Variants in GPC6 observed in about 807,000 individuals in gnomAD.
GPC6 encodes glypican 6.
GPC6 carries 14 observed loss-of-function variants against 55.2 expected under a neutral mutation model. The observed-to-expected ratio is 0.25, with a 90% CI of 0.17 to 0.40. The LOEUF (loss-of-function observed/expected upper bound fraction) is 0.40, where lower values mean the gene tolerates loss of function less well. Among genes scored for constraint, GPC6 ranks in the 10% least tolerant of loss-of-function variants. GPC6 has a pLI of 1.00. For missense variants in GPC6, 641 were observed against 708.5 expected, an observed-to-expected ratio of 0.90 and a Z score of 1.08; for synonymous variants, 278 against 259.6, an observed-to-expected ratio of 1.07 and a Z score of -0.68.
chr13:93,344,776 A>G (rs1028416363), intron 1 of GPC6, among the ~76,000 whole-genome samples: 1 of 152,212 alleles, frequency 6.6e-6, no homozygotes, highest in African/African-American at 2.4e-5. Context: ...AGTGACCAGC[A>G]GCCTCACTCA....
At chr13:93,460,465 A>G (rs548081190) in intron 1 of GPC6, among the ~76,000 whole-genome samples, 4 of 152,348 alleles carry the variant, frequency 2.6e-5, no homozygotes, top group Admixed American at 2.6e-4. Flanking sequence ...ATTTAAATCT[A>G]CACAACACAT....
At chr13:93,832,046 A>G (rs183396879) in intron 3 of GPC6, among the ~76,000 whole-genome samples, 4,055 of 128,942 alleles carry the variant, frequency 0.031, 81 homozygotes, top group East Asian at 0.061. Context: ...GCTGAGATCG[A>G]GCCTCTGCAC....
At chr13:93,353,148 AGAG>A (rs1880691525) in intron 1 of GPC6, among the ~76,000 whole-genome samples, 1 of 152,170 alleles carries the variant, frequency 6.6e-6, no homozygotes, top group East Asian at 1.9e-4. Flanking sequence ...TTACTACCAA[AGAG>A]GAAACTGAGG....
chr13:93,612,475 G>A (rs866084731), intron 2 of GPC6, among the ~76,000 whole-genome samples: 1 of 144,088 alleles, frequency 6.9e-6, no homozygotes, highest in African/African-American at 2.6e-5. Context: ...CTCCAGCCTG[G>A]GCGATAGTGC....
intron 6 of GPC6, among the ~76,000 whole-genome samples, chr13:94,314,743 G>A (rs917914289): frequency 6.6e-6 from 1 of 152,280 alleles, no homozygotes; most frequent in East Asian, 1.9e-4. Context: ...TGATGTTCAT[G>A]CTTATGAGAG....
the GPC6 span, among the ~76,000 whole-genome samples, chr13:93,219,242 T>C: frequency 1.3e-5 from 2 of 151,990 alleles, no homozygotes; most frequent in Non-Finnish European, 2.9e-5. Context: ...TACAAACTCA[T>C]ACCACCACGC....
At chr13:93,489,682 T>A (rs1214938412) in intron 1 of GPC6, among the ~76,000 whole-genome samples, 3 of 151,640 alleles carry the variant, frequency 2.0e-5, no homozygotes, top group African/African-American at 7.2e-5. Flanking sequence ...GAAGAGGTCC[T>A]TCACGTCCCT....
At chr13:94,271,340 C>T (rs778393577) in intron 4 of GPC6, among the ~76,000 whole-genome samples, 31 of 148,624 alleles carry the variant, frequency 2.1e-4, no homozygotes, top group Non-Finnish European at 4.3e-4. Flanking sequence ...ATTCCCTTGC[C>T]TCACACTTGT....
At chr13:93,582,394 A>G (rs1594286068) in intron 2 of GPC6, among the ~76,000 whole-genome samples, 1 of 152,354 alleles carries the variant, frequency 6.6e-6, no homozygotes, top group African/African-American at 2.4e-5. Flanking sequence ...GTCAATTTCA[A>G]AATCTGGAAA....
At chr13:93,366,507 C>T (rs377543757) in intron 1 of GPC6, among the ~76,000 whole-genome samples, 19 of 152,098 alleles carry the variant, frequency 1.2e-4, no homozygotes, top group East Asian at 1.2e-3. Flanking sequence ...GAAGTTATGA[C>T]GATATTAAAT....
intron 3 of GPC6, among the ~76,000 whole-genome samples, chr13:93,929,220 G>C (rs970185430): frequency 1.1e-4 from 17 of 152,156 alleles, no homozygotes; most frequent in African/African-American, 4.1e-4. Flanking sequence ...ATTAGCACTT[G>C]AACTTCAGGA....
At chr13:93,871,100 A>G (rs1000645926) in intron 3 of GPC6, among the ~76,000 whole-genome samples, 11 of 151,944 alleles carry the variant, frequency 7.2e-5, no homozygotes, top group African/African-American at 2.7e-4. Context: ...AAAATGAGGA[A>G]GAGGCAGGGA....
intron 3 of GPC6, among the ~76,000 whole-genome samples, chr13:94,014,641 A>G (rs1882388290): frequency 6.6e-6 from 1 of 152,174 alleles, no homozygotes; most frequent in African/African-American, 2.4e-5. Flanking sequence ...TCACACAAAA[A>G]GAAAACTTAG....
At chr13:94,018,750 A>G (rs9524311) in intron 3 of GPC6, among the ~76,000 whole-genome samples, 20,053 of 152,188 alleles carry the variant, frequency 0.13, 1,611 homozygotes, top group East Asian at 0.33. Context: ...GCAGGACATG[A>G]GCACCTGATG....
chr13:93,479,180 C>G (rs1019657567), intron 1 of GPC6, among the ~76,000 whole-genome samples: 1 of 152,006 alleles, frequency 6.6e-6, no homozygotes, highest in Non-Finnish European at 1.5e-5. Context: ...ATTACCAATT[C>G]AAAAAATGTG....
rs560179447 is a variant in GPC6, at chr13:93,834,019, G to T, written c.711+3474G>T. Among the ~76,000 whole-genome samples the T allele has an allele frequency of 2.9e-3, 442 of 152,174 alleles. 2 individuals carry two copies. The highest frequency in any genetic ancestry group is 9.7e-3 in the African/African-American group (403 of 41,524). ...GCATGTCAAGTGTTGATGAGAGGTG[G>T]AATATCAGGAACCTCCATGCATTGC... On this transcript the variant is annotated intron_variant, in intron 3 of 8. Coordinates refer to ENST00000377047, the MANE Select transcript of GPC6 (RefSeq NM_005708.5).
chr13:93,625,663 T>G (rs538891486), intron 2 of GPC6, among the ~76,000 whole-genome samples: 1 of 152,180 alleles, frequency 6.6e-6, no homozygotes, highest in Non-Finnish European at 1.5e-5. Flanking sequence ...TAAAAATCCC[T>G]CCTTCTACCT....
intron 3 of GPC6, among the ~76,000 whole-genome samples, chr13:93,878,789 C>G (rs1874767122): frequency 6.6e-6 from 1 of 152,128 alleles, no homozygotes; most frequent in Non-Finnish European, 1.5e-5. Flanking sequence ...TGAACTTGGA[C>G]TACCCAGCCC....
intron 3 of GPC6, among the ~76,000 whole-genome samples, chr13:93,880,466 C>CA (rs1343704460): frequency 6.6e-6 from 1 of 151,918 alleles, no homozygotes; most frequent in East Asian, 1.9e-4. Flanking sequence ...ATCGCAAGAA[C>CA]AAAAAACCAA....
Sources: allele counts gnomAD v4.1 joint callset (sites outside exome capture counted in the v4.1 genomes callset), GRCh38; gene constraint gnomAD v4.1.1; transcripts MANE v1.5; gene names NCBI Gene and HGNC (gene_info 2026-07-23, HGNC 2026-07-21).